The following BBS9 variants were observed in gnomAD, a reference collection of about 807,000 sequenced individuals.
The protein encoded by BBS9 is protein PTHB1.
A neutral mutation model predicts 117.7 loss-of-function variants in BBS9; 89 were observed. That is an observed-to-expected ratio of 0.76 (90% confidence interval 0.64 to 0.90). The LOEUF is 0.90. Among genes scored for constraint, BBS9 ranks in the 40% least tolerant of loss-of-function variants. The pLI, the probability that BBS9 is intolerant of heterozygous loss-of-function variation, is 0.00. For synonymous variants in BBS9, 379 were observed against 370.9 expected (o/e 1.02, Z -0.25); for missense variants, 982 against 1,042.2 (o/e 0.94, Z 0.80).
chr7:33,302,443 T>C (rs1390887314), intron 9 of BBS9, among the ~76,000 whole-genome samples: 3 of 152,196 alleles, frequency 2.0e-5, no homozygotes, highest in Middle Eastern at 3.2e-3. Context: ...CCCTTTTTAT[T>C]TGATTTTTGT....
At chr7:33,532,475 T>C (rs1009431049) in intron 20 of BBS9, among the ~76,000 whole-genome samples, 3 of 152,086 alleles carry the variant, frequency 2.0e-5, no homozygotes, top group Admixed American at 6.6e-5. Context: ...AAACTTACAG[T>C]CATTGCAGAA....
rs1821201309 is a variant in BBS9 at position 33,364,170 on chromosome 7, G to C, written c.1694-3597G>C. The stretch of plus-strand genomic sequence containing the variant: ...TCACCGTGTTAGCCAGGATGGTCTC[G>C]ATCTCCTGACCTCGTGATCCGCCCG... On this transcript the variant is annotated intron_variant, in intron 16 of 22. Transcript: ENST00000242067. 1.2e-4 allele frequency among the ~76,000 whole-genome samples: 4 copies of C among 33,830 alleles called. 2 individuals carry two copies. The highest frequency in any genetic ancestry group is 1.3e-4 in the Non-Finnish European group (2 of 15,842). The allele number at this position is 33,830 out of a possible 152,430, so 22.2% of individuals were successfully genotyped here.
At chr7:33,371,134 G>A (rs1392720147) in intron 17 of BBS9, among the ~76,000 whole-genome samples, 2 of 152,118 alleles carry the variant, frequency 1.3e-5, no homozygotes, top group Admixed American at 6.5e-5. Context: ...CTTTACTGAT[G>A]CTGAGTCAAA....
At chr7:33,303,529 G>GCC (rs1205416824) in intron 9 of BBS9, among the ~76,000 whole-genome samples, 4 of 100,260 alleles carry the variant, frequency 4.0e-5, no homozygotes, top group East Asian at 5.8e-4. Context: ...CCCTCCCCCC[G>GCC]CCCCTTCTTT....
chr7:33,635,536 C>T (rs1340580906), exon 22 of BBS9, among the ~76,000 whole-genome samples: 2 of 152,212 alleles, frequency 1.3e-5, no homozygotes, highest in Non-Finnish European at 2.9e-5. Context: ...ACTCAGTGCC[C>T]TTTCAACAAA....
At chr7:33,288,304 C>T (rs986781424) in intron 9 of BBS9, among the ~76,000 whole-genome samples, 1 of 152,168 alleles carries the variant, frequency 6.6e-6, no homozygotes, top group Non-Finnish European at 1.5e-5. Context: ...TAACCTCAAC[C>T]TTTTTGTGTC....
chr7:33,367,126 A>G (rs781380029), intron 16 of BBS9, among the ~76,000 whole-genome samples: 2 of 152,102 alleles, frequency 1.3e-5, no homozygotes, highest in Non-Finnish European at 2.9e-5. Context: ...TACAGAGAGA[A>G]CCTTTCCTTT....
chr7:33,196,379 A>G (rs1784942097), intron 5 of BBS9, among the ~76,000 whole-genome samples: 1 of 152,132 alleles, frequency 6.6e-6, no homozygotes, highest in Admixed American at 6.5e-5. Context: ...GTGCTTCCCA[A>G]AGCTGTCTGG....
At chr7:33,274,690 T>C (rs1409417158) in intron 9 of BBS9, among the ~76,000 whole-genome samples, 2 of 152,250 alleles carry the variant, frequency 1.3e-5, no homozygotes, top group East Asian at 3.9e-4. Flanking sequence ...TAATATTTTA[T>C]TGAGCATTTA....
chr7:33,187,804 C>T (rs1783372679), intron 5 of BBS9, among the ~76,000 whole-genome samples: 1 of 151,788 alleles, frequency 6.6e-6, no homozygotes, highest in Admixed American at 6.6e-5. Context: ...GCCTGTAATC[C>T]CAGCTACTTG....
chr7:33,148,753 C>T (rs1002571922), intron 2 of BBS9, among the ~76,000 whole-genome samples: 1 of 151,470 alleles, frequency 6.6e-6, no homozygotes, highest in Non-Finnish European at 1.5e-5. Context: ...CAGCCTCAAC[C>T]TCCCAGGTGT....
At chr7:33,452,267 TAA>T (rs1182885211) in intron 19 of BBS9, among the ~76,000 whole-genome samples, 1 of 152,168 alleles carries the variant, frequency 6.6e-6, no homozygotes, top group Non-Finnish European at 1.5e-5. Flanking sequence ...AGTTTATTAC[TAA>T]GTGTTTGATT....
chr7:33,182,991 G>A (rs1048955187), intron 5 of BBS9, among the ~76,000 whole-genome samples: 1 of 152,158 alleles, frequency 6.6e-6, no homozygotes, highest in African/African-American at 2.4e-5. Context: ...GTGGCCAAGA[G>A]CATGCTTCTC....
intron 20 of BBS9, among the ~76,000 whole-genome samples, chr7:33,513,379 A>G (rs753930654): frequency 2.0e-5 from 3 of 152,278 alleles, no homozygotes; most frequent in East Asian, 1.9e-4. Context: ...TAAAATTATT[A>G]TATGTACTTG....
chr7:33,518,905 T>C (rs1391044336), intron 20 of BBS9, among the ~76,000 whole-genome samples: 3 of 152,000 alleles, frequency 2.0e-5, no homozygotes, highest in Admixed American at 6.6e-5. Context: ...ATTCTAAATA[T>C]TTTTTTTCTC....
At position 33,594,722 on chromosome 7, in the gene BBS9, C is replaced by G. The variant is rs76880776; in HGVS notation, c.2522-10143C>G. Among the ~76,000 whole-genome samples, 159 of 152,248 alleles carry G rather than the reference C, an allele frequency of 1.0e-3. 2 individuals are homozygous for G. The highest frequency in any genetic ancestry group is 3.8e-3 in the African/African-American group (156 of 41,554). On this transcript the variant is annotated intron_variant, in intron 21 of 22. Transcript: ENST00000242067. Reference sequence around the variant, plus strand: ...AGCATTGAATGGTGTCAACCTGATTCACCATGCTGTATTAAGAGCACAGTA... The same window carrying G: ...AGCATTGAATGGTGTCAACCTGATTGACCATGCTGTATTAAGAGCACAGTA...
chr7:33,438,888 A>G (rs1835703428), intron 19 of BBS9, among the ~76,000 whole-genome samples: 1 of 152,218 alleles, frequency 6.6e-6, no homozygotes, highest in South Asian at 2.1e-4. Flanking sequence ...CAGTTAGTTC[A>G]GCAAGTTATC....
intron 5 of BBS9, among the ~76,000 whole-genome samples, chr7:33,203,994 A>G (rs1294221799): frequency 6.7e-6 from 1 of 149,966 alleles, no homozygotes; most frequent in East Asian, 2.0e-4. Context: ...AAGTGCTGGG[A>G]TTACAGTCGT....
chr7:33,512,036 C>T (rs1235667830), intron 20 of BBS9, among the ~76,000 whole-genome samples: 1 of 152,172 alleles, frequency 6.6e-6, no homozygotes, highest in African/African-American at 2.4e-5. Context: ...TCTATGGGAA[C>T]ACAGTGCAGA....
Sources: allele counts gnomAD v4.1 joint callset (sites outside exome capture counted in the v4.1 genomes callset), GRCh38; gene constraint gnomAD v4.1.1; transcripts MANE v1.5; gene names NCBI Gene and HGNC (gene_info 2026-07-23, HGNC 2026-07-21).